Variants in NXPH1 observed in about 807,000 individuals in gnomAD.
NXPH1 encodes the protein neurexophilin 1, also known as neurexophilin-1.
In NXPH1, 5 loss-of-function variants were observed where a neutral mutation model predicts 23.7. That is an observed-to-expected ratio of 0.21 (90% CI 0.11 to 0.44). The LOEUF is 0.44. Among genes scored for constraint, NXPH1 ranks in the 20% least tolerant of loss-of-function variants. NXPH1 has a pLI of 0.99. For synonymous variants in NXPH1, 144 were observed against 122.2 expected, an observed-to-expected ratio of 1.18 and a Z score of -1.18; for missense variants, 324 against 321.6, an observed-to-expected ratio of 1.01 and a Z score of -0.06.
At chr7:8,483,234 C>G (rs1817103896) in intron 2 of NXPH1, among the ~76,000 whole-genome samples, 1 of 152,112 alleles carries the variant, frequency 6.6e-6, no homozygotes, top group Non-Finnish European at 1.5e-5. Flanking sequence ...CTTATAATAT[C>G]TTGGTTGTTT....
At chr7:8,649,563 C>T (rs1820457421) in intron 2 of NXPH1, among the ~76,000 whole-genome samples, 1 of 152,050 alleles carries the variant, frequency 6.6e-6, no homozygotes, top group Non-Finnish European at 1.5e-5. Flanking sequence ...TATGTTTTTA[C>T]TGATTGTGCA....
At chr7:8,500,289 G>C (rs957576739) in intron 2 of NXPH1, among the ~76,000 whole-genome samples, 1 of 151,526 alleles carries the variant, frequency 6.6e-6, no homozygotes, top group African/African-American at 2.4e-5. Flanking sequence ...TCAGGTAACA[G>C]TATTGGATCA....
At chr7:8,715,771 C>G (rs80321112) in intron 2 of NXPH1, among the ~76,000 whole-genome samples, 2 of 152,056 alleles carry the variant, frequency 1.3e-5, no homozygotes, top group East Asian at 3.9e-4. Flanking sequence ...CAAAAGACTA[C>G]GGGTGTGGGA....
chr7:8,731,391 T>C (rs200865690), intron 2 of NXPH1, among the ~76,000 whole-genome samples: 3 of 152,326 alleles, frequency 2.0e-5, no homozygotes, highest in Admixed American at 2.0e-4. Flanking sequence ...GGAGGAACTG[T>C]GTTCCTTTGG....
chr7:8,603,406 C>T lies in NXPH1; in HGVS notation c.55-147602C>T, dbSNP rs561692561. Among the ~76,000 whole-genome samples, 38 of 152,016 alleles carry T rather than the reference C, an allele frequency of 2.5e-4. 1 individual carries two copies. Among genetic ancestry groups the T allele is most frequent in the Middle Eastern group, 6.8e-3 (2 of 294 alleles). On this transcript the variant is annotated intron_variant, in intron 2 of 2. Transcript: ENST00000405863. The stretch of plus-strand genomic sequence containing the variant: ...ACCTTTTTAAACGTTATTGTTCTTA[C>T]TATTTTTGTTTTTGTTTTTTTGCTC...
At chr7:8,715,528 A>C (rs1286249025) in intron 2 of NXPH1, among the ~76,000 whole-genome samples, 3 of 151,706 alleles carry the variant, frequency 2.0e-5, no homozygotes, top group African/African-American at 7.3e-5. Flanking sequence ...CAGAATCTGA[A>C]CTCTTGGCTC....
chr7:8,704,778 T>TAGA (rs1395841643), intron 2 of NXPH1, among the ~76,000 whole-genome samples: 1 of 152,026 alleles, frequency 6.6e-6, no homozygotes, highest in Non-Finnish European at 1.5e-5. Flanking sequence ...ATTGTAGGTC[T>TAGA]GGTGGCCAGG....
At chr7:8,731,127 T>C (rs1308834093) in intron 2 of NXPH1, among the ~76,000 whole-genome samples, 3 of 152,018 alleles carry the variant, frequency 2.0e-5, no homozygotes. Context: ...TTCCAGTTGA[T>C]CGCATCGGCT....
At chr7:8,506,750 A>C (rs1388839543) in intron 2 of NXPH1, among the ~76,000 whole-genome samples, 2 of 152,070 alleles carry the variant, frequency 1.3e-5, no homozygotes, top group Non-Finnish European at 2.9e-5. Context: ...TGGTGGTGCT[A>C]GCATATCAGG....
chr7:8,471,133 C>A (rs1019308253), intron 2 of NXPH1, among the ~76,000 whole-genome samples: 43 of 151,938 alleles, frequency 2.8e-4, no homozygotes, highest in Non-Finnish European at 5.7e-4. Flanking sequence ...CTGGTTTTAC[C>A]CAAATTGCAT....
chr7:8,518,241 C>T (rs1286706747), intron 2 of NXPH1, among the ~76,000 whole-genome samples: 2 of 152,052 alleles, frequency 1.3e-5, no homozygotes, highest in African/African-American at 2.4e-5. Flanking sequence ...TTGTTTACTT[C>T]TTTTGCATTA....
At chr7:8,560,304 T>C (rs1241728075) in intron 2 of NXPH1, among the ~76,000 whole-genome samples, 1 of 151,744 alleles carries the variant, frequency 6.6e-6, no homozygotes, top group African/African-American at 2.4e-5. Flanking sequence ...TGGCATTAGA[T>C]ATTTCAAAGA....
rs78230084 is a variant in NXPH1 at position 8,612,725 on chromosome 7, A to G, written c.55-138283A>G. On this transcript the variant is annotated intron_variant, in intron 2 of 2. Transcript: ENST00000405863. ...TCTGTCTTCACAGTCTGTCTCATTC[A>G]TTCATTATACCCTTTTCCTGGCCTG... is the stretch of plus-strand genomic sequence containing the variant. Among the ~76,000 whole-genome samples, 462 of 152,172 alleles carry G rather than the reference A, an allele frequency of 3.0e-3. 3 individuals carry two copies. Among genetic ancestry groups the G allele is most frequent in the African/African-American group, 0.01 (436 of 41,538 alleles).
intron 2 of NXPH1, among the ~76,000 whole-genome samples, chr7:8,665,576 G>C (rs2214579): frequency 6.6e-6 from 1 of 151,716 alleles, no homozygotes; most frequent in Non-Finnish European, 1.5e-5. Flanking sequence ...GATAGTTATA[G>C]AATTTGCATT....
intron 2 of NXPH1, among the ~76,000 whole-genome samples, chr7:8,649,950 G>A (rs950588754): frequency 1.3e-5 from 2 of 152,098 alleles, no homozygotes; most frequent in Admixed American, 6.5e-5. Context: ...CTTAAATTAA[G>A]GAGGGACTGA....
chr7:8,454,823 T>C (rs1041459344), intron 2 of NXPH1, among the ~76,000 whole-genome samples: 11 of 152,152 alleles, frequency 7.2e-5, no homozygotes, highest in Admixed American at 1.3e-4. Context: ...TAGTGAATTA[T>C]AAATTTCTCC....
rs548493493 is a variant in NXPH1, at chr7:8,586,640, T to C, written c.54+150873T>C. ...AGAGAATAATGAATATATATATATA[T>C]ATATATACACACACACACACATCGA... On this transcript the variant is annotated intron_variant, in intron 2 of 2. Coordinates refer to ENST00000405863, the MANE Select transcript of NXPH1 (RefSeq NM_152745.3). Among the ~76,000 whole-genome samples the C allele has an allele frequency of 9.9e-5, 15 of 151,364 alleles. No homozygotes were observed. In the South Asian group the frequency reaches 2.7e-3, roughly 27 times the overall value.
intron 2 of NXPH1, among the ~76,000 whole-genome samples, chr7:8,511,495 G>A (rs1817611447): frequency 6.6e-6 from 1 of 152,094 alleles, no homozygotes; most frequent in African/African-American, 2.4e-5. Context: ...GGTGTGTACA[G>A]TATAGACTGA....
intron 2 of NXPH1, among the ~76,000 whole-genome samples, chr7:8,487,666 A>G (rs1817181594): frequency 6.6e-6 from 1 of 152,088 alleles, no homozygotes; most frequent in African/African-American, 2.4e-5. Context: ...TGAAATATAA[A>G]TCTTTTTACT....
Sources: gnomAD v4.1 joint callset for allele counts (sites outside exome capture counted in the v4.1 genomes callset) on GRCh38, gnomAD v4.1.1 for gene constraint, MANE v1.5 for transcripts, NCBI Gene and HGNC (gene_info 2026-07-23, HGNC 2026-07-21) for gene names.